Variants in TMOD3 observed in about 807,000 individuals in gnomAD.
TMOD3 encodes tropomodulin 3, also known as tropomodulin-3.
Under a neutral mutation model 39.2 loss-of-function variants are expected in TMOD3, and 20 were observed. That is an observed-to-expected ratio of 0.51 (90% confidence interval 0.36 to 0.74). TMOD3 has a LOEUF of 0.74. Ranked by LOEUF, TMOD3 falls within the 30% of genes least tolerant of loss-of-function variation. The probability of loss-of-function intolerance (pLI) is 0.00; values close to 1 mark genes in which losing one functional copy is unlikely to be tolerated. For synonymous variants in TMOD3, 143 were observed against 145.8 expected (o/e 0.98, Z 0.14); for missense variants, 381 against 412.8 (o/e 0.92, Z 0.67).
chr15:51,845,908 G>A (rs1003313886), intron 1 of TMOD3, among the ~76,000 whole-genome samples: 2 of 152,220 alleles, frequency 1.3e-5, no homozygotes, highest in Non-Finnish European at 2.9e-5. Context: ...AGAAGGTACA[G>A]AAAATTCTCC....
At position 51,850,647 on chromosome 15, in the gene TMOD3, T is replaced by G. The variant is rs142496917; in HGVS notation, c.-74-12164T>G. Among the ~76,000 whole-genome samples the G allele has an allele frequency of 2.4e-3, 361 of 152,320 alleles. 1 individual carries two copies. The highest frequency in any genetic ancestry group is 8.3e-3 in the African/African-American group (343 of 41,570). ...CTTTGACATTAGTGGTGATACATTT[T>G]AAATGTAGCCAGTCAGTTCATGTAT... On this transcript the variant is annotated intron_variant, in intron 1 of 9. Coordinates refer to ENST00000308580, the MANE Select transcript of TMOD3 (RefSeq NM_014547.5).
chr15:51,836,830 T>A (rs2056286972), intron 1 of TMOD3, among the ~76,000 whole-genome samples: 1 of 151,814 alleles, frequency 6.6e-6, no homozygotes, highest in Non-Finnish European at 1.5e-5. Flanking sequence ...CTGCCTCGGG[T>A]ATATATGTTC....
intron 2 of TMOD3, among the ~76,000 whole-genome samples, chr15:51,864,281 A>C (rs571153310): frequency 1.8e-3 from 277 of 151,620 alleles, no homozygotes; most frequent in Non-Finnish European, 3.1e-3. Flanking sequence ...AAAAAAAAAA[A>C]AACTGGAAAA....
chr15:51,897,709 T>G (rs1251836870), intron 7 of TMOD3, among the ~76,000 whole-genome samples: 7 of 138,450 alleles, frequency 5.1e-5, no homozygotes, highest in African/African-American at 1.9e-4. Flanking sequence ...GGTCTCGAGC[T>G]CCTGACCTTG....
chr15:51,894,072 T>C (rs1277292492), intron 6 of TMOD3, 127 bp downstream of exon 6: 1 of 725,744 alleles, frequency 1.4e-6, no homozygotes, highest in Non-Finnish European at 2.0e-6. Flanking sequence ...CTTACCAGTA[T>C]GCTAACATAG....
chr15:51,890,485 T>C (rs985781306), intron 5 of TMOD3, among the ~76,000 whole-genome samples: 4 of 152,104 alleles, frequency 2.6e-5, no homozygotes, highest in African/African-American at 9.7e-5. Flanking sequence ...CCAACTGTTT[T>C]TGAATGCTTA....
intron 1 of TMOD3, among the ~76,000 whole-genome samples, chr15:51,835,311 G>T (rs1247170214): frequency 6.6e-6 from 1 of 152,092 alleles, no homozygotes; most frequent in Non-Finnish European, 1.5e-5. Context: ...TTTCTGTTTT[G>T]TTTTGTTTTG....
chr15:51,835,411 G>A (rs563361376), intron 1 of TMOD3, among the ~76,000 whole-genome samples: 29 of 152,152 alleles, frequency 1.9e-4, no homozygotes, highest in African/African-American at 6.5e-4. Flanking sequence ...CAAGCAGTCC[G>A]TCAGCCTCAG....
intron 3 of TMOD3, among the ~76,000 whole-genome samples, chr15:51,877,553 G>A (rs969614672): frequency 2.6e-5 from 4 of 152,030 alleles, no homozygotes; most frequent in Admixed American, 6.5e-5. Context: ...GGTGGCGGGC[G>A]CCTGTAATCC....
intron 1 of TMOD3, among the ~76,000 whole-genome samples, chr15:51,830,355 C>G (rs1454122178): frequency 6.6e-6 from 1 of 152,184 alleles, no homozygotes; most frequent in South Asian, 2.1e-4. Flanking sequence ...GAATTAAGTT[C>G]CTAGCTCCCA....
intron 1 of TMOD3, chr15:51,835,198 G>T (rs1170591613): frequency 6.6e-6 from 1 of 152,192 alleles, no homozygotes; most frequent in East Asian, 1.9e-4. Flanking sequence ...GATCACCTAG[G>T]ACTCCAACAT....
At chr15:51,831,485 C>G (rs918144118) in intron 1 of TMOD3, among the ~76,000 whole-genome samples, 3 of 152,176 alleles carry the variant, frequency 2.0e-5, no homozygotes, top group Non-Finnish European at 4.4e-5. Context: ...GTCTGTATGT[C>G]TGATGGGTGA....
intron 3 of TMOD3, among the ~76,000 whole-genome samples, chr15:51,881,676 C>A (rs924613491): frequency 6.7e-6 from 1 of 148,214 alleles, no homozygotes; most frequent in Non-Finnish European, 1.5e-5. Context: ...ATTCTCCTGC[C>A]TCAGCCTCCT....
chr15:51,889,065 G>A lies in TMOD3; in HGVS notation c.416G>A (p.Gly139Glu). 1 of 1,575,996 alleles carries A rather than the reference G, an allele frequency of 6.3e-7. No homozygotes were observed. Among genetic ancestry groups the A allele is most frequent in the Non-Finnish European group, 8.6e-7 (1 of 1,165,762 alleles). ...TTTTCTGTATTTATAGCAATTCTTG[G>A]GATGCACAATTTGATAACGAATACA... is the stretch of plus-strand genomic sequence containing the variant. ...TELCDLAAIL[G>E]MHNLITNTKF... The change falls in exon 5 of 10, where the codon GGG becomes GAG. Residue 139 changes from glycine (G) to glutamate (E), a missense_variant. Gly to Glu is a moderately conservative substitution (Grantham distance 98, BLOSUM62 -2). Coordinates refer to ENST00000308580, the MANE Select transcript of TMOD3 (RefSeq NM_014547.5).
intron 3 of TMOD3, among the ~76,000 whole-genome samples, chr15:51,886,639 A>G (rs1025852644): frequency 3.3e-5 from 5 of 151,982 alleles, no homozygotes; most frequent in Non-Finnish European, 5.9e-5. Context: ...TCGGCTGGGC[A>G]TCAGAGGGAG....
rs779110077 is a variant in TMOD3 at position 51,910,319 on chromosome 15, A to C, written c.*1509A>C. 3.3e-5 allele frequency: 5 copies of C among 152,264 alleles called. No individual in the cohort carries two copies. The highest frequency in any genetic ancestry group is 7.3e-5 in the Non-Finnish European group (5 of 68,096). 9.4% of individuals were successfully genotyped at this position (152,264 alleles called of 1,614,324 possible). Reference sequence around the variant, plus strand: ...GCCGGGCGCAGTGGCTCACGCCTGTAATCCCAGCACTTTTGGGAAGCCAAA... The same window carrying C: ...GCCGGGCGCAGTGGCTCACGCCTGTCATCCCAGCACTTTTGGGAAGCCAAA... On this transcript the variant is annotated 3_prime_UTR_variant, in exon 10 of 10. Transcript: ENST00000308580.
chr15:51,876,955 C>A (rs1250966218), intron 3 of TMOD3, among the ~76,000 whole-genome samples: 1 of 151,990 alleles, frequency 6.6e-6, no homozygotes, highest in East Asian at 1.9e-4. Context: ...TCCAGTTACT[C>A]CGGAGGCTGA....
At position 51,911,151 on chromosome 15, in the gene TMOD3, C is replaced by T. The variant is rs904348026; in HGVS notation, c.*2341C>T. ...GTCAGGCATCCTCGTTTGCATTGTCCTGTAAGTCAATTAGTTGATAAATAG... is the reference window on the plus strand; with the variant it reads ...GTCAGGCATCCTCGTTTGCATTGTCTTGTAAGTCAATTAGTTGATAAATAG... On this transcript the variant is annotated 3_prime_UTR_variant, in exon 10 of 10. Transcript: ENST00000308580. 6.6e-6 allele frequency: 1 copy of T among 152,186 alleles called. No individual in the cohort carries two copies. Among genetic ancestry groups the T allele is most frequent in the African/African-American group, 2.4e-5 (1 of 41,438 alleles). 9.4% of individuals were successfully genotyped at this position (152,186 alleles called of 1,614,324 possible). A position where few individuals can be genotyped will look rare whatever the true frequency, so the allele number is the denominator to read the frequency against.
At chr15:51,862,081 T>A (rs12915015) in intron 1 of TMOD3, among the ~76,000 whole-genome samples, 51,455 of 151,694 alleles carry the variant, frequency 0.34, 9,537 homozygotes, top group Admixed American at 0.42. Flanking sequence ...CCAACTTCTG[T>A]GTCTCTAGAG....
Sources: gnomAD v4.1 joint callset for allele counts (sites outside exome capture counted in the v4.1 genomes callset) on GRCh38, gnomAD v4.1.1 for gene constraint, MANE v1.5 for transcripts, NCBI Gene and HGNC (gene_info 2026-07-23, HGNC 2026-07-21) for gene names.